Variants in SORT1 observed in about 807,000 individuals in gnomAD.
SORT1 encodes sortilin 1, also known as sortilin.
In SORT1, 39 loss-of-function variants were observed where a neutral mutation model predicts 101.7. The observed-to-expected ratio is 0.38, with a 90% CI of 0.30 to 0.50. The LOEUF (loss-of-function observed/expected upper bound fraction) is 0.50. Ranked by LOEUF, SORT1 falls within the 20% of genes least tolerant of loss-of-function variation. The pLI, the probability that SORT1 is intolerant of heterozygous loss-of-function variation, is 0.90. For synonymous variants in SORT1, 396 were observed against 393.7 expected (o/e 1.01, Z -0.07); for missense variants, 878 against 1,040.4 (o/e 0.84, Z 2.15).
At chr1:109,378,699 G>GATAT (rs58847953) in intron 1 of SORT1, among the ~76,000 whole-genome samples, 1 of 35,582 alleles carries the variant, frequency 2.8e-5, no homozygotes. Context: ...TAGAGTGAAT[G>GATAT]ATATATATAT....
intron 17 of SORT1, among the ~76,000 whole-genome samples, chr1:109,315,631 T>C (rs1175249886): frequency 6.6e-6 from 1 of 152,150 alleles, no homozygotes; most frequent in African/African-American, 2.4e-5. Context: ...GGGCCTGCTG[T>C]TGAGCATCTG....
rs72647806 is a variant in SORT1 at position 109,311,657 on chromosome 1, G to A, written c.*2386C>T. The A allele has an allele frequency of 1.3e-5, 2 of 152,150 alleles. No homozygotes were observed. The highest frequency in any genetic ancestry group is 2.9e-5 in the Non-Finnish European group (2 of 68,042). The allele number at this position is 152,150 out of a possible 1,614,324, so 9.4% of individuals were successfully genotyped here. On this transcript the variant is annotated 3_prime_UTR_variant, in exon 20 of 20. Transcript: ENST00000256637. Reference sequence around the variant, plus strand: ...GAGGGGAGGGGCAGTTTCTGCAAACGTATTTAAAATTCCCATTACTTTTGT... The same window carrying A: ...GAGGGGAGGGGCAGTTTCTGCAAACATATTTAAAATTCCCATTACTTTTGT...
At chr1:109,359,607 C>T (rs1035267289) in intron 3 of SORT1, among the ~76,000 whole-genome samples, 3 of 152,116 alleles carry the variant, frequency 2.0e-5, no homozygotes, top group Non-Finnish European at 4.4e-5. Context: ...TCAAGCGGTT[C>T]TCCTGCCTCA....
intron 1 of SORT1, among the ~76,000 whole-genome samples, chr1:109,378,640 T>C (rs1446254191): frequency 3.8e-5 from 5 of 131,820 alleles, no homozygotes; most frequent in African/African-American, 1.4e-4. Flanking sequence ...AAATAATGAA[T>C]CATATAAAAA....
chr1:109,387,147 C>T (rs1431959344), intron 1 of SORT1, among the ~76,000 whole-genome samples: 2 of 151,952 alleles, frequency 1.3e-5, no homozygotes, highest in African/African-American at 4.8e-5. Flanking sequence ...AAAAATTAGC[C>T]AGGTGTGGTG....
chr1:109,374,978 A>C (rs1651731329), intron 1 of SORT1, among the ~76,000 whole-genome samples: 1 of 152,222 alleles, frequency 6.6e-6, no homozygotes, highest in Non-Finnish European at 1.5e-5. Context: ...AAACAAAAAA[A>C]CAAACACTGG....
rs1557804608 is a variant in SORT1, at chr1:109,353,346, A to AAAAAAC, written c.708+1015_708+1020dup. On this transcript the variant is annotated intron_variant, in intron 5 of 19. Transcript: ENST00000256637. ...TCTGTCTCAAAAAAAAAAAAAAAAA[A>AAAAAAC]AAAAACAAAAGCAAAAAAAACATAA... 4.0e-4 allele frequency among the ~76,000 whole-genome samples: 55 copies of AAAAAAC among 138,516 alleles called. 3 individuals are homozygous for AAAAAAC. The highest frequency in any genetic ancestry group is 8.3e-4 in the African/African-American group (31 of 37,456). The allele number at this position is 138,516 out of a possible 152,430, so 90.9% of individuals were successfully genotyped here.
At chr1:109,394,048 G>T (rs899080801) in intron 1 of SORT1, among the ~76,000 whole-genome samples, 1 of 152,140 alleles carries the variant, frequency 6.6e-6, no homozygotes, top group Non-Finnish European at 1.5e-5. Context: ...CATGGCCAGG[G>T]TTCAAATGCA....
At chr1:109,356,147 C>T (rs1044978197) in intron 3 of SORT1, among the ~76,000 whole-genome samples, 4 of 152,320 alleles carry the variant, frequency 2.6e-5, no homozygotes, top group South Asian at 4.1e-4. Flanking sequence ...GCTGGGATTA[C>T]AGGCATGAGC....
At chr1:109,390,706 T>C (rs1267692385) in intron 1 of SORT1, among the ~76,000 whole-genome samples, 4 of 152,042 alleles carry the variant, frequency 2.6e-5, no homozygotes, top group Non-Finnish European at 5.9e-5. Context: ...AGAGCAATTG[T>C]ACTGTGGAAC....
chr1:109,390,771 A>ATGTGTGTGTGTGTGTGTGTGTATG (rs1652859637), intron 1 of SORT1, among the ~76,000 whole-genome samples: 1 of 145,618 alleles, frequency 6.9e-6, no homozygotes, highest in African/African-American at 2.6e-5. Flanking sequence ...GTGTGTGTGT[A>ATGTGTGTGTGTGTGTGTGTGTATG]TGTGTGTGTG....
intron 13 of SORT1, 109 bp downstream of exon 13, chr1:109,326,882 CA>C (rs1359623433): frequency 6.3e-6 from 5 of 797,534 alleles, no homozygotes; most frequent in Non-Finnish European, 9.4e-6. Context: ...ATAGTTCTGT[CA>C]AATGCAAAAA....
At chr1:109,362,423 T>A (rs896295940) in intron 3 of SORT1, among the ~76,000 whole-genome samples, 5 of 152,218 alleles carry the variant, frequency 3.3e-5, no homozygotes, top group Non-Finnish European at 5.9e-5. Flanking sequence ...TATTAAAATG[T>A]ATCAAAATAA....
In SORT1 at chr1:109,342,165, C is replaced by T; in HGVS notation, c.964-7G>A. 1 of 1,602,446 alleles carries T rather than the reference C, an allele frequency of 6.2e-7. No individual in the cohort carries two copies. Among genetic ancestry groups the T allele is most frequent in the Non-Finnish European group, 8.5e-7 (1 of 1,172,094 alleles). ...GGATCCTTCTTGTTGTATCCTAGAA[C>T]AGATGTCAATATTTATCTTTCTAAT... On this transcript the variant is annotated splice_region_variant and splice_polypyrimidine_tract_variant and intron_variant, in intron 8 of 19. Transcript: ENST00000256637.
chr1:109,339,071 G>A (rs1054021955), intron 10 of SORT1, among the ~76,000 whole-genome samples: 2 of 152,042 alleles, frequency 1.3e-5, no homozygotes, highest in Admixed American at 1.3e-4. Context: ...TAGAGACGGG[G>A]TTTCGCCGTG....
At chr1:109,350,210 A>G (rs993477365) in intron 6 of SORT1, among the ~76,000 whole-genome samples, 1 of 152,198 alleles carries the variant, frequency 6.6e-6, no homozygotes, top group South Asian at 2.1e-4. Flanking sequence ...GAGGCTCTAA[A>G]CAACATTCTG....
intron 1 of SORT1, among the ~76,000 whole-genome samples, chr1:109,394,067 A>C (rs1653056953): frequency 6.6e-6 from 1 of 152,192 alleles, no homozygotes; most frequent in Admixed American, 6.5e-5. Context: ...CAGGCAGTCC[A>C]GATAAGGCAG....
intron 14 of SORT1, among the ~76,000 whole-genome samples, chr1:109,323,845 G>A (rs1426679026): frequency 1.3e-5 from 2 of 152,206 alleles, no homozygotes; most frequent in Non-Finnish European, 2.9e-5. Flanking sequence ...GGAGCTGCCT[G>A]CTGAGGGGAG....
intron 1 of SORT1, among the ~76,000 whole-genome samples, chr1:109,381,280 C>T (rs964537392): frequency 3.9e-5 from 6 of 152,110 alleles, no homozygotes; most frequent in African/African-American, 1.4e-4. Context: ...AGGTATCTTA[C>T]ACACATTATT....
Sources: allele counts gnomAD v4.1 joint callset (sites outside exome capture counted in the v4.1 genomes callset), GRCh38; gene constraint gnomAD v4.1.1; transcripts MANE v1.5; gene names NCBI Gene and HGNC (gene_info 2026-07-23, HGNC 2026-07-21).